Variants in ZFAT observed in about 807,000 individuals in gnomAD.
The protein encoded by ZFAT is zinc finger protein ZFAT.
Under a neutral mutation model 117.7 loss-of-function variants are expected in ZFAT, and 64 were observed. The observed-to-expected ratio is 0.54, with a 90% CI of 0.44 to 0.67. The LOEUF is 0.67. Among genes scored for constraint, ZFAT ranks in the 30% least tolerant of loss-of-function variants. The pLI is 0.00. For missense variants in ZFAT, 1,433 were observed against 1,584.5 expected, an observed-to-expected ratio of 0.90 and a Z score of 1.62; for synonymous variants, 679 against 615.0, an observed-to-expected ratio of 1.10 and a Z score of -1.54.
the ZFAT span, among the ~76,000 whole-genome samples, chr8:134,725,154 TG>T: frequency 6.6e-6 from 1 of 152,208 alleles, no homozygotes; most frequent in South Asian, 2.1e-4. Flanking sequence ...GCCCGTTTCC[TG>T]GGCACACTGT....
At chr8:134,599,356 C>T (rs1166259159) in intron 7 of ZFAT, 1 of 179,020 alleles carries the variant, frequency 5.6e-6, no homozygotes, top group Non-Finnish European at 1.2e-5. Context: ...TGTATAAGCA[C>T]GTGTATAAAT....
the ZFAT span, among the ~76,000 whole-genome samples, chr8:134,726,299 C>T: frequency 6.6e-6 from 1 of 152,176 alleles, no homozygotes; most frequent in African/African-American, 2.4e-5. Flanking sequence ...CATTGGCATG[C>T]TTCCAGGGCT....
the ZFAT span, chr8:134,791,909 C>A: frequency 6.6e-6 from 1 of 152,050 alleles, no homozygotes; most frequent in Admixed American, 6.5e-5. Context: ...AAAAAAAAAT[C>A]TTGTTTAAGC....
At chr8:134,626,360 G>T (rs767029410) in intron 3 of ZFAT, among the ~76,000 whole-genome samples, 14 of 152,216 alleles carry the variant, frequency 9.2e-5, no homozygotes, top group Non-Finnish European at 1.9e-4. Context: ...TCCTAGACCA[G>T]AATCCCTGTT....
At chr8:134,487,792 G>A (rs142049817) in intron 15 of ZFAT, among the ~76,000 whole-genome samples, 6 of 152,350 alleles carry the variant, frequency 3.9e-5, no homozygotes, top group South Asian at 2.1e-4. Context: ...GCTGACTCCT[G>A]TTAAACACCA....
Position 134,660,316 on chromosome 8 carries a change from C to G in ZFAT, c.20-2579G>C, listed in dbSNP as rs144240793. Reference sequence around the variant, plus strand: ...TGGCTACAGCCCATGAGCTGAGTTCCTCCAAGTTATAGCTAAAATACTTAA... The same window carrying G: ...TGGCTACAGCCCATGAGCTGAGTTCGTCCAAGTTATAGCTAAAATACTTAA... On this transcript the variant is annotated intron_variant, in intron 1 of 15. Coordinates refer to ENST00000377838, the MANE Select transcript of ZFAT (RefSeq NM_020863.4). Among the ~76,000 whole-genome samples, 3 of 152,316 alleles carry G rather than the reference C, an allele frequency of 2.0e-5. No homozygotes were observed. The East Asian group carries it at 5.8e-4, about 29-fold the overall frequency.
chr8:134,822,000 A>G, the ZFAT span, among the ~76,000 whole-genome samples: 1 of 152,180 alleles, frequency 6.6e-6, no homozygotes, highest in African/African-American at 2.4e-5. Flanking sequence ...TTAACAATAG[A>G]TAACATTAAA....
chr8:134,563,251 A>T (rs1824177688), intron 11 of ZFAT, among the ~76,000 whole-genome samples: 2 of 152,232 alleles, frequency 1.3e-5, no homozygotes, highest in Admixed American at 6.5e-5. Context: ...GGGTGGTTTT[A>T]AAAAGCAGCT....
At chr8:134,554,471 T>C (rs924449277) in intron 11 of ZFAT, among the ~76,000 whole-genome samples, 1 of 152,168 alleles carries the variant, frequency 6.6e-6, no homozygotes, top group African/African-American at 2.4e-5. Context: ...ATCTCCAGCA[T>C]AGTGACCCAT....
intron 2 of ZFAT, among the ~76,000 whole-genome samples, chr8:134,650,596 G>A (rs1486070967): frequency 1.3e-5 from 2 of 152,140 alleles, no homozygotes; most frequent in Non-Finnish European, 2.9e-5. Flanking sequence ...ACCCTGAAAA[G>A]TCAAAACAAT....
At chr8:134,550,322 A>AC (rs1325293135) in intron 11 of ZFAT, among the ~76,000 whole-genome samples, 6 of 149,062 alleles carry the variant, frequency 4.0e-5, no homozygotes, top group Non-Finnish European at 7.4e-5. Context: ...AAAAAAAAAA[A>AC]AAAAAAAAAA....
At chr8:134,616,825 T>A (rs1248822626) in intron 3 of ZFAT, among the ~76,000 whole-genome samples, 1 of 152,126 alleles carries the variant, frequency 6.6e-6, no homozygotes, top group Non-Finnish European at 1.5e-5. Flanking sequence ...GAGGCTGGGT[T>A]AGGACACAAC....
At position 134,590,320 on chromosome 8, in the gene ZFAT, CT is replaced by C; in HGVS notation, c.2510del (p.Lys837SerfsTer8). The C allele has an allele frequency of 6.2e-7, 1 of 1,613,342 alleles. No homozygotes were observed. The highest frequency in any genetic ancestry group is 8.5e-7 in the Non-Finnish European group (1 of 1,179,370). ...TTATCAATCGATCCTCTGAAAAAGA[CT>C]TTTCACAAACAGGACAAGAATAACT... ...KRSYSCPVCEKSFSEDRLIKS... is the reference protein window; with the variant it reads ...KRSYSCPVCEXSFSEDRLIKS... On this transcript the variant is annotated frameshift_variant, in exon 8 of 16. Transcript: ENST00000377838. LOFTEE classifies it high-confidence loss of function.
At chr8:134,763,856 A>G in the ZFAT span, among the ~76,000 whole-genome samples, 1 of 152,192 alleles carries the variant, frequency 6.6e-6, no homozygotes, top group Non-Finnish European at 1.5e-5. Flanking sequence ...CTGTCTTTCC[A>G]GAATCTAAAA....
chr8:134,740,338 A>G, the ZFAT span, among the ~76,000 whole-genome samples: 5 of 152,168 alleles, frequency 3.3e-5, no homozygotes, highest in African/African-American at 1.2e-4. Context: ...CAGAATTAGC[A>G]TTGTCAATGG....
At chr8:134,727,064 C>T in the ZFAT span, among the ~76,000 whole-genome samples, 1 of 151,972 alleles carries the variant, frequency 6.6e-6, no homozygotes, top group Non-Finnish European at 1.5e-5. Flanking sequence ...GCCTTGCTAC[C>T]CACTCTAACT....
At chr8:134,651,813 T>G (rs1294630592) in intron 2 of ZFAT, among the ~76,000 whole-genome samples, 1 of 152,034 alleles carries the variant, frequency 6.6e-6, no homozygotes, top group Admixed American at 6.6e-5. Context: ...GATGTAAAAA[T>G]GTACTTAATC....
At chr8:134,528,995 C>CACTCTCTGGGAATCTTAGAGAATGAT (rs1283711354) in intron 12 of ZFAT, among the ~76,000 whole-genome samples, 1 of 152,180 alleles carries the variant, frequency 6.6e-6, no homozygotes, top group Non-Finnish European at 1.5e-5. Flanking sequence ...TTACTGTCGG[C>CACTCTCTGGGAATCTTAGAGAATGAT]ACTCTCTGGG....
At chr8:134,493,708 C>T (rs377622257) in intron 15 of ZFAT, among the ~76,000 whole-genome samples, 1 of 152,208 alleles carries the variant, frequency 6.6e-6, no homozygotes, top group East Asian at 1.9e-4. Flanking sequence ...TTCTGGATGC[C>T]GGCCCTCCTT....
Sources: allele counts gnomAD v4.1 joint callset (sites outside exome capture counted in the v4.1 genomes callset), GRCh38; gene constraint gnomAD v4.1.1; transcripts MANE v1.5; gene names NCBI Gene and HGNC (gene_info 2026-07-23, HGNC 2026-07-21).